Variants in TENM3 observed in about 807,000 individuals in gnomAD.
The protein encoded by TENM3 is teneurin-3.
A neutral mutation model predicts 255.1 loss-of-function variants in TENM3; 63 were observed. The observed-to-expected ratio is 0.25, with a 90% CI of 0.20 to 0.30. TENM3 has a LOEUF of 0.30. Ranked by LOEUF, TENM3 falls within the 10% of genes least tolerant of loss-of-function variation. TENM3 has a pLI of 1.00. For synonymous variants in TENM3, 1,306 were observed against 1,322.3 expected, an observed-to-expected ratio of 0.99 and a Z score of 0.27; for missense variants, 2,929 against 3,461.1, an observed-to-expected ratio of 0.85 and a Z score of 3.86.
At chr4:181,803,057 T>C in the TENM3 span, among the ~76,000 whole-genome samples, 6 of 151,864 alleles carry the variant, frequency 4.0e-5, no homozygotes, top group African/African-American at 1.5e-4. Context: ...TTTTTCATCA[T>C]TACATGTATG....
At chr4:182,590,553 A>AAAG (rs1427719878) in intron 3 of TENM3, among the ~76,000 whole-genome samples, 2 of 151,016 alleles carry the variant, frequency 1.3e-5, no homozygotes, top group Admixed American at 6.6e-5. Flanking sequence ...AAAAAAAAAA[A>AAAG]AAAAAAAAGA....
chr4:182,238,053 T>G (rs1235275548), intron 1 of TENM3, among the ~76,000 whole-genome samples: 1 of 152,170 alleles, frequency 6.6e-6, no homozygotes, highest in South Asian at 2.1e-4. Flanking sequence ...GGTGGCTTGG[T>G]TGACAGTGTT....
chr4:182,735,821 A>G (rs1343063411), intron 16 of TENM3, among the ~76,000 whole-genome samples: 2 of 152,124 alleles, frequency 1.3e-5, no homozygotes, highest in African/African-American at 2.4e-5. Context: ...CCTAAAATAC[A>G]TTTTTCAAAA....
chr4:182,409,225 C>G (rs1378754109), intron 3 of TENM3, among the ~76,000 whole-genome samples: 1 of 152,202 alleles, frequency 6.6e-6, no homozygotes, highest in Admixed American at 6.5e-5. Flanking sequence ...ATCTCCCAAC[C>G]AGAAAGCTCT....
At chr4:181,867,918 A>C in the TENM3 span, among the ~76,000 whole-genome samples, 3 of 152,192 alleles carry the variant, frequency 2.0e-5, no homozygotes, top group Non-Finnish European at 4.4e-5. Context: ...CTATTTAATA[A>C]AAATTGTAGA....
chr4:182,072,143 T>A, the TENM3 span, among the ~76,000 whole-genome samples: 1 of 152,238 alleles, frequency 6.6e-6, no homozygotes, highest in East Asian at 1.9e-4. Flanking sequence ...ATGATGATAA[T>A]CCTTACTGCT....
chr4:182,498,498 A>T (rs28524750), intron 3 of TENM3, among the ~76,000 whole-genome samples: 1 of 151,866 alleles, frequency 6.6e-6, no homozygotes, highest in Non-Finnish European at 1.5e-5. Context: ...TTTTGTGAAC[A>T]CTTTTCTTCC....
intron 1 of TENM3, among the ~76,000 whole-genome samples, chr4:182,293,558 T>C (rs906446211): frequency 6.6e-6 from 1 of 152,192 alleles, no homozygotes; most frequent in Admixed American, 6.5e-5. Flanking sequence ...AATGAAGCTT[T>C]CCACCTTTCA....
At chr4:182,014,601 C>A in the TENM3 span, among the ~76,000 whole-genome samples, 1 of 22,250 alleles carries the variant, frequency 4.5e-5, no homozygotes, top group East Asian at 1.7e-3. Flanking sequence ...TCTGTCTCAG[C>A]GGCACATTAG....
the TENM3 span, among the ~76,000 whole-genome samples, chr4:182,012,065 A>G: frequency 6.6e-6 from 1 of 152,328 alleles, no homozygotes; most frequent in African/African-American, 2.4e-5. Context: ...AGATTATTTC[A>G]GTCCCCAGCC....
intron 2 of TENM3, among the ~76,000 whole-genome samples, chr4:182,333,636 T>C (rs1440307862): frequency 6.6e-6 from 1 of 152,182 alleles, no homozygotes; most frequent in African/African-American, 2.4e-5. Context: ...AAAACTGAGA[T>C]TCTAGGACAT....
the TENM3 span, among the ~76,000 whole-genome samples, chr4:182,031,038 G>T: frequency 6.6e-6 from 1 of 152,124 alleles, no homozygotes; most frequent in Non-Finnish European, 1.5e-5. Context: ...CTTTTGCTGT[G>T]CAGAAGCTCT....
At chr4:181,699,981 G>T in the TENM3 span, among the ~76,000 whole-genome samples, 1 of 151,990 alleles carries the variant, frequency 6.6e-6, no homozygotes, top group South Asian at 2.1e-4. Context: ...TGTTTCAGTC[G>T]TCCTGGCAAA....
At chr4:182,772,065 C>T (rs1051959532) in intron 22 of TENM3, among the ~76,000 whole-genome samples, 8 of 152,112 alleles carry the variant, frequency 5.3e-5, no homozygotes, top group East Asian at 3.9e-4. Context: ...CTCCGTCCCT[C>T]GCCTTCCTCC....
chr4:181,700,324 T>C, the TENM3 span, among the ~76,000 whole-genome samples: 1 of 152,164 alleles, frequency 6.6e-6, no homozygotes, highest in Admixed American at 6.5e-5. Flanking sequence ...TACATTTATT[T>C]CTTGATTTTA....
At chr4:182,015,550 T>TTTTATATA in the TENM3 span, among the ~76,000 whole-genome samples, 1 of 149,986 alleles carries the variant, frequency 6.7e-6, no homozygotes, top group Non-Finnish European at 1.5e-5. Flanking sequence ...TGATTTTAAT[T>TTTTATATA]TTTATTTATT....
At chr4:181,828,734 G>A in the TENM3 span, among the ~76,000 whole-genome samples, 1 of 152,140 alleles carries the variant, frequency 6.6e-6, no homozygotes, top group African/African-American at 2.4e-5. Context: ...GATTACAGGT[G>A]TGTGCCACCA....
the TENM3 span, among the ~76,000 whole-genome samples, chr4:181,610,907 T>C: frequency 4.6e-5 from 7 of 152,190 alleles, no homozygotes; most frequent in East Asian, 1.4e-3. Context: ...AACAGATTGT[T>C]TAGTTTTTCT....
intron 12 of TENM3, among the ~76,000 whole-genome samples, chr4:182,711,036 G>A (rs896926980): frequency 5.3e-5 from 8 of 152,158 alleles, no homozygotes; most frequent in South Asian, 4.1e-4. Context: ...CTATATATGC[G>A]ATAAATCATT....
Sources: gnomAD v4.1 joint callset for allele counts (sites outside exome capture counted in the v4.1 genomes callset) on GRCh38, gnomAD v4.1.1 for gene constraint, MANE v1.5 for transcripts, NCBI Gene and HGNC (gene_info 2026-07-23, HGNC 2026-07-21) for gene names.